PLEC: variants seen among roughly 807,000 people sequenced by gnomAD.
PLEC encodes hemidesmosomal protein 1.
A neutral mutation model predicts 392.8 loss-of-function variants in PLEC; 216 were observed. The ratio of observed to expected loss-of-function variants is 0.55; its 90% CI spans 0.49 to 0.62. PLEC has a LOEUF of 0.62. Ranked by LOEUF, PLEC falls within the 20% of genes least tolerant of loss-of-function variation. The pLI is 0.00. For missense variants in PLEC, 6,863 were observed against 6,563.4 expected, an observed-to-expected ratio of 1.05 and a Z score of -1.58; for synonymous variants, 3,621 against 2,980.6, an observed-to-expected ratio of 1.21 and a Z score of -7.00.
chr8:143,923,625 G>T lies in PLEC; in HGVS notation c.6304C>A (p.Arg2102Ser). Reference sequence around the variant, plus strand: ...TGCCGCCGGGACTGCGCCGCCTCACGCTCCGCCTGCACCCGGGCCTCCTCC... The same window carrying T: ...TGCCGCCGGGACTGCGCCGCCTCACTCTCCGCCTGCACCCGGGCCTCCTCC... ...EAEEARVQAEREAAQSRRQVE... is the reference protein window; with the variant it reads ...EAEEARVQAESEAAQSRRQVE... Residue 2102 changes from arginine to serine, a missense_variant, in exon 31 of 32, where the codon CGT (arginine) becomes AGT (serine). By Grantham distance (110) the Arg-to-Ser change is moderately radical. Transcript: ENST00000345136. 1 of 1,587,386 alleles carries T rather than the reference G, an allele frequency of 6.3e-7. No individual in the cohort carries two copies. The highest frequency in any genetic ancestry group is 1.7e-5 in the Admixed American group (1 of 59,204).
rs782652438 is a variant in PLEC at position 143,918,290 on chromosome 8, C to T, written c.11531G>A (p.Arg3844His). The change falls in exon 32 of 32, where the codon CGC becomes CAC. Residue 3844 changes from arginine to histidine, a missense_variant. Arg to His is a conservative substitution (Grantham distance 29). Coordinates refer to ENST00000345136, the MANE Select transcript of PLEC (RefSeq NM_201384.3). ...HDQLSEPSEV[R>H]SYVDPSTDER... ...GTCGGTGGACGGGTCCACGTAGCTG[C>T]GCACCTCGCTGGGCTCTGACAGCTG... The T allele has an allele frequency of 1.8e-5, 28 of 1,592,312 alleles. No individual in the cohort carries two copies. The highest frequency in any genetic ancestry group is 5.1e-5 in the Admixed American group (3 of 59,246).
chr8:143,957,660 C>A (rs1310185108), upstream of PLEC, among the ~76,000 whole-genome samples: 3 of 152,222 alleles, frequency 2.0e-5, no homozygotes, highest in Non-Finnish European at 2.9e-5. Flanking sequence ...GCCCTGGCTG[C>A]CCTGGCCACA....
chr8:143,922,037 C>G lies in PLEC; in HGVS notation c.7784G>C (p.Arg2595Pro), dbSNP rs782343962. 1.9e-6 allele frequency: 3 copies of G among 1,595,764 alleles called. No individual in the cohort carries two copies. The highest frequency in any genetic ancestry group is 1.3e-5 in the African/African-American group (1 of 75,002). The change falls in exon 32 of 32, where the codon CGT becomes CCT. Residue 2595 changes from arginine to proline, a missense_variant. By Grantham distance (103) the Arg-to-Pro change is moderately radical. Transcript: ENST00000345136. The part of the protein sequence containing the change: ...ELLAEENQRL[R>P]EQLQLLEEQH... ...CTCCTCCAGGAGCTGCAGCTGCTCACGCAGCCTCTGGTTCTCCTCAGCCAG... is the reference window on the plus strand; with the variant it reads ...CTCCTCCAGGAGCTGCAGCTGCTCAGGCAGCCTCTGGTTCTCCTCAGCCAG...
At position 143,930,231 on chromosome 8, in the gene PLEC, A is replaced by T. The variant is rs782503285; in HGVS notation, c.2525T>A (p.Leu842His). 8 of 1,594,232 alleles carry T rather than the reference A, an allele frequency of 5.0e-6. No homozygotes were observed. Among genetic ancestry groups the T allele is most frequent in the Non-Finnish European group, 6.8e-6 (8 of 1,175,726 alleles). ...GPAQPSHWKV[L>H]SSSGSEAAVP... is the part of the protein sequence containing the mutation. ...GGCGGCCTCGCTGCCGGAGCTGCTG[A>T]GCACCTTCCAGTGGGACGGCTGTGC... is the stretch of plus-strand genomic sequence containing the variant. The change falls in exon 21 of 32, where the codon CTC becomes CAC. Residue 842 changes from leucine to histidine, a missense_variant. Transcript: ENST00000345136.
In PLEC at chr8:143,921,795, G is replaced by T; in HGVS notation, c.8026C>A (p.His2676Asn). 2 of 1,610,348 alleles carry T rather than the reference G, an allele frequency of 1.2e-6. No homozygotes were observed. The highest frequency in any genetic ancestry group is 3.3e-4 in the Middle Eastern group (2 of 6,060). ...CGTGCGAGCTCGTCCACCGTGGTGT[G>T]GCCCTGCGCCAACCGCTGCAGCTCC... Reference protein sequence around the residue: ...AEELQRLAQGHTTVDELARRE... With the variant: ...AEELQRLAQGNTTVDELARRE... Residue 2676 changes from histidine (H) to asparagine (N), a missense_variant, in exon 32 of 32, where the codon CAC (histidine) becomes AAC (asparagine). His to Asn is a moderately conservative substitution (Grantham distance 68, BLOSUM62 1). Transcript: ENST00000345136.
Position 143,939,399 on chromosome 8 carries a change from C to A in PLEC, c.63G>T (p.Ser21=), listed in dbSNP as rs782341087. Residue 21 remains serine, a synonymous_variant, in exon 1 of 32, where the codon TCG becomes TCT. Coordinates refer to ENST00000345136, the MANE Select transcript of PLEC (RefSeq NM_201384.3). ...PEGLGRKRTS[S]EDNLYLAVLR... ...GCACAGCCAGGTACAGGTTGTCCTC[C>A]GAGCTGGTTCTCTTTCGGCCCAGGC... 14 of 1,612,644 alleles carry A rather than the reference C, an allele frequency of 8.7e-6. No individual in the cohort carries two copies. The South Asian group carries it at 1.3e-4, about 15-fold the overall frequency.
rs1554708450 is a variant in PLEC, at chr8:143,927,730, A to T, written c.3436T>A (p.Phe1146Ile). The change falls in exon 27 of 32, where the codon TTC becomes ATC. Residue 1146 changes from phenylalanine (F) to isoleucine (I), a missense_variant. Coordinates refer to ENST00000345136, the MANE Select transcript of PLEC (RefSeq NM_201384.3). ...CGCAGCTCATCCCGCAGGGCGTCGA[A>T]CGTGGGCTGCTGTGCCTCGGCCTGG... is the stretch of plus-strand genomic sequence containing the variant. ...RAQAEAQQPT[F>I]DALRDELRGA... 4 of 1,596,406 alleles carry T rather than the reference A, an allele frequency of 2.5e-6. No homozygotes were observed. The highest frequency in any genetic ancestry group is 3.3e-4 in the Middle Eastern group (2 of 6,032).
Position 143,924,877 on chromosome 8 carries a change from G to C in PLEC, c.5052C>G (p.Val1684=), listed in dbSNP as rs1213427033. The change falls in exon 31 of 32, where the codon GTC becomes GTG. Residue 1684 remains valine, a synonymous_variant. Coordinates refer to ENST00000345136, the MANE Select transcript of PLEC (RefSeq NM_201384.3). ...RRRGKAEEQA[V]RQRELAEQEL... is the part of the protein sequence containing the mutation. ...CTTGTTCAGCCAGCTCCCGCTGCCG[G>C]ACGGCCTGCTCCTCCGCCTTGCCGC... 6.3e-7 allele frequency: 1 copy of C among 1,588,838 alleles called. No individual in the cohort carries two copies. The highest frequency in any genetic ancestry group is 2.3e-5 in the East Asian group (1 of 44,322).
chr8:143,934,367 G>A lies in PLEC; in HGVS notation c.1120C>T (p.His374Tyr), dbSNP rs1828360839. 1 of 1,612,564 alleles carries A rather than the reference G, an allele frequency of 6.2e-7. No homozygotes were observed. Residue 374 changes from histidine to tyrosine, a missense_variant, in exon 11 of 32, where the codon CAC becomes TAC. Coordinates refer to ENST00000345136, the MANE Select transcript of PLEC (RefSeq NM_201384.3). ...LDVEKEWGKLHVAILEREKQL... is the reference protein window; with the variant it reads ...LDVEKEWGKLYVAILEREKQL... Reference sequence around the variant, plus strand: ...TTCTCCCGCTCCAGGATGGCCACGTGCAGCTTGCCCCACTCCTTCTCCACA... The same window carrying A: ...TTCTCCCGCTCCAGGATGGCCACGTACAGCTTGCCCCACTCCTTCTCCACA...
In PLEC at chr8:143,929,484, A is replaced by C. The variant is rs1417188029; in HGVS notation, c.3011T>G (p.Val1004Gly). The C allele has an allele frequency of 1.2e-6, 2 of 1,606,330 alleles. No individual in the cohort carries two copies. The highest frequency in any genetic ancestry group is 4.5e-5 in the East Asian group (2 of 44,690). ...GTCCAGCGGCAGCCGCAGGCGGTGC[A>C]CGGTGCGCGTCTCACAGGCCTCCAG... ...LQLEACETRTVHRLRLPLDKE... is the reference protein window; with the variant it reads ...LQLEACETRTGHRLRLPLDKE... Residue 1004 changes from valine (V) to glycine (G), a missense_variant, in exon 24 of 32, where the codon GTG (valine) becomes GGG (glycine). Physicochemically the swap from Val to Gly is moderately radical, Grantham distance 109. Coordinates refer to ENST00000345136, the MANE Select transcript of PLEC (RefSeq NM_201384.3).
chr8:143,934,770 CAG>C (rs1187392147), intron 9 of PLEC, 38 bp downstream of exon 9: 1 of 1,611,900 alleles, frequency 6.2e-7, no homozygotes, highest in Non-Finnish European at 8.5e-7. Context: ...GCCGGGCTCT[CAG>C]GGCAGGCCCA....
rs868950189 is a variant in PLEC, at chr8:143,969,129, G to C, written c.70+4274C>G. Among the ~76,000 whole-genome samples, 1 of 152,182 alleles carries C rather than the reference G, an allele frequency of 6.6e-6. No individual in the cohort carries two copies. Among genetic ancestry groups the C allele is most frequent in the Non-Finnish European group, 1.5e-5 (1 of 68,036 alleles). ...ACCCACTATCCGTCAACTGATAAAC[G>C]CATAAGCAAAAGTGGGCACTTCCAC... On this transcript the variant is annotated intron_variant, in intron 1 of 31. Coordinates refer to the PLEC transcript ENST00000356346. The surrounding 1 kb of genome is among the most constrained non-coding windows in gnomAD (Gnocchi z 5.1).
chr8:143,944,160 T>C (rs1345343434), upstream of PLEC, among the ~76,000 whole-genome samples: 1 of 150,238 alleles, frequency 6.7e-6, no homozygotes, highest in African/African-American at 2.4e-5. Flanking sequence ...GCAGGGCTAC[T>C]GACGCTCAAG....
In PLEC at chr8:143,923,227, G is replaced by A. The variant is rs782604351; in HGVS notation, c.6702C>T (p.Arg2234=). ...SQVEEELFSV[R]VQMEELSKLK... is the part of the protein sequence containing the mutation. The stretch of plus-strand genomic sequence containing the variant: ...GCTTGCTCAGCTCCTCCATCTGCAC[G>A]CGCACCGAGAAGAGCTCCTCCTCCA... Residue 2234 remains arginine, a synonymous_variant, in exon 31 of 32, where the codon CGC becomes CGT. Coordinates refer to ENST00000345136, the MANE Select transcript of PLEC (RefSeq NM_201384.3). The A allele has an allele frequency of 2.2e-5, 36 of 1,603,426 alleles. No individual in the cohort carries two copies. Among genetic ancestry groups the A allele is most frequent in the Middle Eastern group, 1.6e-4 (1 of 6,062 alleles).
At position 143,927,392 on chromosome 8, in the gene PLEC, C is replaced by T. The variant is rs782136237; in HGVS notation, c.3756+18G>A. 2.9e-5 allele frequency: 47 copies of T among 1,607,988 alleles called. No individual in the cohort carries two copies. Among genetic ancestry groups the T allele is most frequent in the Non-Finnish European group, 3.9e-5 (46 of 1,179,334 alleles). ...CAGGGCACGCCCAGCCGCCCCGTCC[C>T]CACCGACCCAAGCCCACCTGCTCCT... On this transcript the variant is annotated intron_variant, in intron 27 of 31. Coordinates refer to ENST00000345136, the MANE Select transcript of PLEC (RefSeq NM_201384.3).
chr8:143,945,146 C>T (rs368469023), intron 1 of PLEC: 12 of 440,752 alleles, frequency 2.7e-5, no homozygotes, highest in East Asian at 1.5e-4. Context: ...GAGGGCCCTG[C>T]GCAGGTCACT....
Position 143,932,402 on chromosome 8 carries a change from A to G in PLEC, c.1975T>C (p.Ser659Pro), listed in dbSNP as rs1554716811. 2 of 1,612,764 alleles carry G rather than the reference A, an allele frequency of 1.2e-6. No individual in the cohort carries two copies. The change falls in exon 16 of 32, where the codon TCG (serine) becomes CCG (proline). Residue 659 changes from serine to proline, a missense_variant and splice_region_variant. Ser to Pro is a moderately conservative substitution (Grantham distance 74). Coordinates refer to ENST00000345136, the MANE Select transcript of PLEC (RefSeq NM_201384.3). ...AGGGCAGCTGGGCCACCGCTCACCG[A>G]GTAGCTCTCCTTCTTGGCGGTCATG... is the stretch of plus-strand genomic sequence containing the variant. The part of the protein sequence containing the change: ...TNMTAKKESY[S>P]ALMRELELKE...
chr8:143,953,826 C>T (rs948324197), upstream of PLEC: 15 of 1,607,424 alleles, frequency 9.3e-6, no homozygotes, highest in South Asian at 1.5e-4. Flanking sequence ...TCCAGCCCCG[C>T]ACCGCACTGC....
At position 143,931,964 on chromosome 8, in the gene PLEC, G is replaced by A; in HGVS notation, c.2151C>T (p.His717=). The change falls in exon 18 of 32, where the codon CAC becomes CAT. Residue 717 remains histidine, a synonymous_variant. Coordinates refer to ENST00000345136, the MANE Select transcript of PLEC (RefSeq NM_201384.3). The stretch of plus-strand genomic sequence containing the variant: ...GAAAGTAGGCAGCGTTCTCCTTCAG[G>A]TGTGCCTCGATACAGCAGCACAGCT... ...MLQLCCCIEA[H]LKENAAYFQF... 10 of 1,607,632 alleles carry A rather than the reference G, an allele frequency of 6.2e-6. No homozygotes were observed. The highest frequency in any genetic ancestry group is 8.5e-6 in the Non-Finnish European group (10 of 1,178,268).
Sources: allele counts gnomAD v4.1 joint callset (sites outside exome capture counted in the v4.1 genomes callset), GRCh38; gene constraint gnomAD v4.1.1; non-coding constraint Gnocchi (gnomAD v3.1); transcripts MANE v1.5; gene names NCBI Gene and HGNC (gene_info 2026-07-23, HGNC 2026-07-21).